Variants in CTNNA3 observed in about 807,000 individuals in gnomAD.
CTNNA3 encodes the protein catenin alpha-3.
In CTNNA3, 76 loss-of-function variants were observed where a neutral mutation model predicts 95.7. The ratio of observed to expected loss-of-function variants is 0.79; its 90% CI spans 0.66 to 0.96. CTNNA3 has a LOEUF of 0.96. Among genes scored for constraint, CTNNA3 ranks in the 40% least tolerant of loss-of-function variants. The probability of loss-of-function intolerance (pLI) is 0.00; values close to 1 mark genes in which losing one functional copy is unlikely to be tolerated. For missense variants in CTNNA3, 1,191 were observed against 1,089.8 expected (o/e 1.09, Z -1.31); for synonymous variants, 431 against 374.4 (o/e 1.15, Z -1.74).
intron 3 of CTNNA3, among the ~76,000 whole-genome samples, chr10:67,596,167 T>A (rs1187174866): frequency 6.6e-6 from 1 of 152,198 alleles, no homozygotes; most frequent in African/African-American, 2.4e-5. Flanking sequence ...GATCCTGCCA[T>A]CTATGTTGTT....
chr10:66,503,835 A>G (rs901335869), intron 11 of CTNNA3, among the ~76,000 whole-genome samples: 1 of 152,152 alleles, frequency 6.6e-6, no homozygotes, highest in Non-Finnish European at 1.5e-5. Context: ...TGTCAAATCT[A>G]TAAGAATTAC....
chr10:67,017,019 G>T (rs1482993477), intron 7 of CTNNA3, among the ~76,000 whole-genome samples: 2 of 152,126 alleles, frequency 1.3e-5, no homozygotes, highest in Non-Finnish European at 2.9e-5. Context: ...CTAGACACTT[G>T]GCTAGGTGCA....
rs1391728006 is a variant in CTNNA3 at position 66,897,275 on chromosome 10, C to CAT, written c.1048-121753_1048-121752dup. ...AAAGATGTGTGTGTGTATGTGTGTA[C>CAT]ATATATATATTTTAAACCAAAAATT... is the stretch of plus-strand genomic sequence containing the variant. On this transcript the variant is annotated intron_variant, in intron 7 of 17. Transcript: ENST00000433211. 9.2e-4 allele frequency among the ~76,000 whole-genome samples: 139 copies of CAT among 151,654 alleles called. 1 individual carries two copies. The highest frequency in any genetic ancestry group is 2.9e-3 in the African/African-American group (118 of 41,280).
intron 10 of CTNNA3, among the ~76,000 whole-genome samples, chr10:66,529,453 T>G (rs1408660019): frequency 6.7e-6 from 1 of 148,260 alleles, no homozygotes; most frequent in Non-Finnish European, 1.5e-5. Flanking sequence ...TTTTTTTGTT[T>G]TTTTTTTTTA....
At chr10:66,166,337 A>G (rs10996944) in intron 13 of CTNNA3, among the ~76,000 whole-genome samples, 125,102 of 151,328 alleles carry the variant, frequency 0.83, 51,849 homozygotes, top group South Asian at 0.92. Flanking sequence ...TACTAAAAAT[A>G]CAAAAACTTA....
intron 7 of CTNNA3, among the ~76,000 whole-genome samples, chr10:66,950,625 T>C (rs978947266): frequency 5.3e-5 from 8 of 152,162 alleles, no homozygotes; most frequent in African/African-American, 1.9e-4. Flanking sequence ...TTTTCAGTTA[T>C]GTGAATGGCT....
intron 13 of CTNNA3, among the ~76,000 whole-genome samples, chr10:66,212,968 A>C (rs2088267878): frequency 6.6e-6 from 1 of 152,180 alleles, no homozygotes; most frequent in Non-Finnish European, 1.5e-5. Context: ...GTGAGCCAAG[A>C]TCATGCCACT....
At chr10:66,943,128 T>G (rs1416997968) in intron 7 of CTNNA3, among the ~76,000 whole-genome samples, 3 of 152,220 alleles carry the variant, frequency 2.0e-5, no homozygotes, top group Non-Finnish European at 4.4e-5. Context: ...GAGACAAATT[T>G]GATACATGTC....
At chr10:66,542,797 T>C (rs1841902921) in intron 10 of CTNNA3, among the ~76,000 whole-genome samples, 1 of 150,912 alleles carries the variant, frequency 6.6e-6, no homozygotes, top group African/African-American at 2.4e-5. Flanking sequence ...AAATGATGAG[T>C]TAATGGGTGC....
intron 5 of CTNNA3, among the ~76,000 whole-genome samples, chr10:67,445,643 A>T (rs993057561): frequency 8.5e-5 from 13 of 152,152 alleles, no homozygotes; most frequent in African/African-American, 3.1e-4. Context: ...TTTGGGAGAC[A>T]TATTCTAAGC....
intron 9 of CTNNA3, among the ~76,000 whole-genome samples, chr10:66,641,797 G>C (rs1845526379): frequency 6.6e-6 from 1 of 152,086 alleles, no homozygotes; most frequent in Admixed American, 6.6e-5. Flanking sequence ...CTGCTTTGCT[G>C]TCTCCTTGTT....
intron 7 of CTNNA3, among the ~76,000 whole-genome samples, chr10:67,078,573 G>A (rs989593664): frequency 1.3e-5 from 2 of 151,958 alleles, no homozygotes; most frequent in Non-Finnish European, 2.9e-5. Context: ...CTGGAGTGCA[G>A]TGGTGCAATC....
intron 10 of CTNNA3, among the ~76,000 whole-genome samples, chr10:66,569,119 T>C (rs963621153): frequency 1.3e-5 from 2 of 151,964 alleles, no homozygotes; most frequent in African/African-American, 4.8e-5. Flanking sequence ...TCCTAGTGCC[T>C]CTCATTAGCC....
chr10:67,217,151 G>C (rs1229998230), intron 6 of CTNNA3, among the ~76,000 whole-genome samples: 1 of 152,216 alleles, frequency 6.6e-6, no homozygotes, highest in East Asian at 1.9e-4. Flanking sequence ...ACTCCCAACA[G>C]AGTATTTACT....
chr10:67,570,104 T>G (rs182942189), intron 3 of CTNNA3, among the ~76,000 whole-genome samples: 1 of 152,188 alleles, frequency 6.6e-6, no homozygotes, highest in Admixed American at 6.6e-5. Context: ...TATTTGTTGT[T>G]TAATCCAATT....
chr10:66,885,449 G>A (rs1589376535), intron 7 of CTNNA3, among the ~76,000 whole-genome samples: 1 of 152,078 alleles, frequency 6.6e-6, no homozygotes, highest in South Asian at 2.1e-4. Flanking sequence ...AGATCTTTGA[G>A]ATTCCATTAT....
At chr10:66,732,384 C>A (rs1332112717) in intron 9 of CTNNA3, among the ~76,000 whole-genome samples, 2 of 152,162 alleles carry the variant, frequency 1.3e-5, no homozygotes, top group Non-Finnish European at 2.9e-5. Flanking sequence ...GAAAAGCCAT[C>A]CACTTGGCTT....
chr10:66,084,051 C>T (rs1054453038), intron 14 of CTNNA3, among the ~76,000 whole-genome samples: 5 of 149,170 alleles, frequency 3.4e-5, no homozygotes, highest in Non-Finnish European at 7.4e-5. Flanking sequence ...AGGAGAATCA[C>T]TTGAACCCAG....
rs141728600 is a variant in CTNNA3, at chr10:66,213,886, C to T, written c.1884+66584G>A. ...TGAATTTCTTAGAAGGAAAATGTTT[C>T]CTCCCTTAGAAGTGCTTCAAGAAAG... On this transcript the variant is annotated intron_variant, in intron 13 of 17. Coordinates refer to ENST00000433211, the MANE Select transcript of CTNNA3 (RefSeq NM_013266.4). 6.3e-3 allele frequency among the ~76,000 whole-genome samples: 962 copies of T among 152,206 alleles called. 10 individuals are homozygous for T. Among genetic ancestry groups the T allele is most frequent in the African/African-American group, 0.022 (897 of 41,536 alleles).
Sources: allele counts gnomAD v4.1 joint callset (sites outside exome capture counted in the v4.1 genomes callset), GRCh38; gene constraint gnomAD v4.1.1; transcripts MANE v1.5; gene names NCBI Gene and HGNC (gene_info 2026-07-23, HGNC 2026-07-21).